ZAN: variants seen among roughly 807,000 people sequenced by gnomAD.
The protein encoded by ZAN is zonadhesin (gene/pseudogene).
In ZAN, 260 loss-of-function variants were observed where a neutral mutation model predicts 286.2. The observed-to-expected ratio is 0.91, with a 90% CI of 0.82 to 1.01. ZAN has a LOEUF of 1.01. Ranked by LOEUF, ZAN falls within the 50% of genes least tolerant of loss-of-function variation. The pLI, the probability that ZAN is intolerant of heterozygous loss-of-function variation, is 0.00. For synonymous variants in ZAN, 1,368 were observed against 1,417.5 expected (o/e 0.97, Z 0.79); for missense variants, 3,410 against 3,639.2 (o/e 0.94, Z 1.62).
chr7:100,775,642 A>C, intron 32 of ZAN, 27 bp from the exon 33 acceptor site: 1 of 1,612,314 alleles, frequency 6.2e-7, no homozygotes, highest in Non-Finnish European at 8.5e-7. Context: ...CCCTGCTCCT[A>C]CTCACCGTCA....
rs1187316588 is a variant in ZAN at position 100,742,857 on chromosome 7, A to G, written c.767-3681A>G. Among the ~76,000 whole-genome samples, 5 of 8,260 alleles carry G rather than the reference A, an allele frequency of 6.1e-4. No homozygotes were observed. In the Admixed American group the frequency reaches 6.6e-3, roughly 11 times the overall value. The allele number at this position is 8,260 out of a possible 152,430, so 5.4% of individuals were successfully genotyped here. On this transcript the variant is annotated intron_variant, in intron 7 of 47. Transcript: ENST00000613979. The stretch of plus-strand genomic sequence containing the variant: ...AGAGGGAGACCGTGGGGAGAGGGAG[A>G]CGGAGACGGAGACGAGGGAGAGGGA...
At position 100,780,658 on chromosome 7, in the gene ZAN, GA is replaced by G. The variant is rs946545102; in HGVS notation, c.6622+919del. Among the ~76,000 whole-genome samples, 469 of 110,544 alleles carry G rather than the reference GA, an allele frequency of 4.2e-3. 8 individuals are homozygous for G. The highest frequency in any genetic ancestry group is 2.9e-3 in the Non-Finnish European group (143 of 49,688). The allele number at this position is 110,544 out of a possible 152,430, so 72.5% of individuals were successfully genotyped here. Reference sequence around the variant, plus strand: ...TCTGGGTGACAGAGTGAGACTCTCAGAAAAAAAAAAATTCTCCCCAAAAAAC... The same window carrying G: ...TCTGGGTGACAGAGTGAGACTCTCAGAAAAAAAAAATTCTCCCCAAAAAAC... On this transcript the variant is annotated intron_variant, in intron 35 of 47. Coordinates refer to ENST00000613979, the MANE Select transcript of ZAN (RefSeq NM_003386.3).
intron 7 of ZAN, among the ~76,000 whole-genome samples, chr7:100,743,859 A>G (rs1371312160): frequency 6.6e-6 from 1 of 151,498 alleles, no homozygotes; most frequent in Non-Finnish European, 1.5e-5. Context: ...CCTGGGCGAC[A>G]GAGTGAGATT....
chr7:100,758,167 A>G (rs755797914), intron 15 of ZAN, 35 bp from the exon 16 acceptor site: 6 of 1,595,688 alleles, frequency 3.8e-6, no homozygotes, highest in South Asian at 1.1e-5. Context: ...TCTAGGAGCT[A>G]TATGACTGTG....
rs1385207125 is a variant in ZAN, at chr7:100,767,052, C to T, written c.4655C>T (p.Thr1552Ile). The change falls in exon 25 of 48, where the codon ACC becomes ATC. Residue 1552 changes from threonine to isoleucine, a missense_variant. Physicochemically the swap from Thr to Ile is moderately conservative, Grantham distance 89 (BLOSUM62 -1). Coordinates refer to ENST00000613979, the MANE Select transcript of ZAN (RefSeq NM_003386.3). ...GCCTCGGGTGACCCCCACTACCTGACCTTCGATGGCGCCTTGCACCACTTC... is the reference window on the plus strand; with the variant it reads ...GCCTCGGGTGACCCCCACTACCTGATCTTCGATGGCGCCTTGCACCACTTC... Reference protein sequence around the residue: ...CTASGDPHYLTFDGALHHFMG... With the variant: ...CTASGDPHYLIFDGALHHFMG... 2 of 1,613,942 alleles carry T rather than the reference C, an allele frequency of 1.2e-6. No individual in the cohort carries two copies. The highest frequency in any genetic ancestry group is 3.3e-5 in the Admixed American group (2 of 60,002).
intron 7 of ZAN, among the ~76,000 whole-genome samples, 167 bp downstream of exon 7, chr7:100,738,780 C>G (rs1025252145): frequency 1.4e-5 from 2 of 138,064 alleles, no homozygotes; most frequent in East Asian, 4.2e-4. Flanking sequence ...CCCCCACCAC[C>G]GCCCTACAAG....
chr7:100,769,474 T>C (rs954908169), intron 27 of ZAN, among the ~76,000 whole-genome samples: 2 of 151,990 alleles, frequency 1.3e-5, no homozygotes, highest in East Asian at 3.9e-4. Context: ...TCTTTTCTTT[T>C]CTTTCCTTTC....
chr7:100,781,652 C>CTTT (rs5886134), intron 35 of ZAN, among the ~76,000 whole-genome samples: 7 of 128,276 alleles, frequency 5.5e-5, no homozygotes, highest in Non-Finnish European at 8.2e-5. Flanking sequence ...CATTGCTATA[C>CTTT]TTTTTTTTTT....
chr7:100,776,367 G>A, intron 33 of ZAN, 73 bp from the exon 34 acceptor site: 5 of 1,505,890 alleles, frequency 3.3e-6, no homozygotes, highest in Non-Finnish European at 4.5e-6. Flanking sequence ...CGTGAGGGAA[G>A]GAAAGAAGGA....
At position 100,769,951 on chromosome 7, in the gene ZAN, G is replaced by A; in HGVS notation, c.5225G>A (p.Cys1742Tyr). ...ATGGCAGACGCCTGGAACAAGAACT[G>A]TGCGATCTTAATAAACCCTCAGGGT... is the stretch of plus-strand genomic sequence containing the variant. ...NSMADAWNKNCAILINPQGPF... is the reference protein window; with the variant it reads ...NSMADAWNKNYAILINPQGPF... Residue 1742 changes from cysteine to tyrosine, a missense_variant, in exon 28 of 48, where the codon TGT (cysteine) becomes TAT (tyrosine). By Grantham distance (194) the Cys-to-Tyr change is radical. Transcript: ENST00000613979. The A allele has an allele frequency of 6.4e-7, 1 of 1,566,488 alleles. No individual in the cohort carries two copies. The highest frequency in any genetic ancestry group is 1.2e-5 in the South Asian group (1 of 84,896).
At chr7:100,737,119 T>C (rs1382412955) in intron 5 of ZAN, 39 bp downstream of exon 5, 1 of 1,466,500 alleles carries the variant, frequency 6.8e-7, no homozygotes. Context: ...CGGGGGGGAG[T>C]CTGGGTGTTG....
At position 100,746,554 on chromosome 7, in the gene ZAN, C is replaced by G. The variant is rs755684430; in HGVS notation, c.783C>G (p.Leu261=). ...FSSPGSGCYM[L]LDPKNARPGQ... ...GCTTCACAGGTGGCTGCTACATGCT[C>G]CTGGACCCCAAGAATGCAAGACCTG... The change falls in exon 8 of 48, where the codon CTC becomes CTG. Residue 261 remains leucine (L), a synonymous_variant. Coordinates refer to ENST00000613979, the MANE Select transcript of ZAN (RefSeq NM_003386.3). 12 of 1,613,958 alleles carry G rather than the reference C, an allele frequency of 7.4e-6. No homozygotes were observed. In the East Asian group the frequency reaches 2.5e-4, roughly 33 times the overall value.
intron 42 of ZAN, 166 bp downstream of exon 42, chr7:100,792,645 G>A: frequency 1.4e-6 from 2 of 1,411,080 alleles, no homozygotes; most frequent in Non-Finnish European, 1.9e-6. Context: ...TTCTGTCTTA[G>A]TCCCATCATC....
Position 100,794,460 on chromosome 7 carries a change from T to C in ZAN, c.8125+202T>C, listed in dbSNP as rs114125417. On this transcript the variant is annotated intron_variant, in intron 44 of 47. Coordinates refer to ENST00000613979, the MANE Select transcript of ZAN (RefSeq NM_003386.3). ...CTACCGAATCCTTCCCTAGCGTTCC[T>C]TCCCATGATCTCCTTCAGCCCTGAT... is the stretch of plus-strand genomic sequence containing the variant. Among the ~76,000 whole-genome samples, 1,452 of 152,294 alleles carry C rather than the reference T, an allele frequency of 9.5e-3. 34 individuals are homozygous for C. The highest frequency in any genetic ancestry group is 0.033 in the African/African-American group (1,374 of 41,558).
In ZAN at chr7:100,776,470, G is replaced by T; in HGVS notation, c.6223G>T (p.Glu2075Ter). Reference sequence around the variant, plus strand: ...CGGCATGTGTGGGAACTTCAATGATGAGGAAGAGGACGAACTAATGATGCC... The same window carrying T: ...CGGCATGTGTGGGAACTTCAATGATTAGGAAGAGGACGAACTAATGATGCC... ...VCGMCGNFND[E>*]EEDELMMPSD... The change falls in exon 34 of 48, where the codon GAG becomes TAG. Residue 2075 changes from glutamate (E) to a stop codon, truncating the protein, a stop_gained. Coordinates refer to ENST00000613979, the MANE Select transcript of ZAN (RefSeq NM_003386.3). LOFTEE classifies it high-confidence loss of function. 1 of 1,604,058 alleles carries T rather than the reference G, an allele frequency of 6.2e-7. No homozygotes were observed. The highest frequency in any genetic ancestry group is 8.5e-7 in the Non-Finnish European group (1 of 1,175,202).
chr7:100,761,303 A>G (rs1443744607), intron 19 of ZAN, among the ~76,000 whole-genome samples: 1 of 152,180 alleles, frequency 6.6e-6, no homozygotes, highest in African/African-American at 2.4e-5. Flanking sequence ...CAGGAATTCC[A>G]GACCAGCCTG....
intron 11 of ZAN, among the ~76,000 whole-genome samples, chr7:100,749,369 A>ATG (rs1808449218): frequency 1.3e-5 from 2 of 150,734 alleles, no homozygotes; most frequent in Non-Finnish European, 1.5e-5. Flanking sequence ...GGCTGGGCGC[A>ATG]GTGGCTCACA....
chr7:100,750,906 G>A lies in ZAN; in HGVS notation c.1521+10G>A, dbSNP rs768253958. Reference sequence around the variant, plus strand: ...CCAACAGCCCATGCAGGTGAGAGACGGAGGCGGGGGTCCTGTCTGTGTGAG... The same window carrying A: ...CCAACAGCCCATGCAGGTGAGAGACAGAGGCGGGGGTCCTGTCTGTGTGAG... On this transcript the variant is annotated intron_variant, in intron 12 of 47. Transcript: ENST00000613979. The A allele has an allele frequency of 1.2e-5, 18 of 1,531,858 alleles. No individual in the cohort carries two copies. The highest frequency in any genetic ancestry group is 9.0e-5 in the South Asian group (7 of 77,704). 94.9% of individuals were successfully genotyped at this position (1,531,858 alleles called of 1,614,324 possible).
intron 9 of ZAN, 122 bp downstream of exon 9, chr7:100,747,763 G>A (rs1176871835): frequency 7.1e-6 from 7 of 986,178 alleles, no homozygotes; most frequent in Non-Finnish European, 1.1e-5. Flanking sequence ...GGCTGAGGAG[G>A]GAGGATCGCT....
Sources: allele counts gnomAD v4.1 joint callset (sites outside exome capture counted in the v4.1 genomes callset), GRCh38; gene constraint gnomAD v4.1.1; transcripts MANE v1.5; gene names NCBI Gene and HGNC (gene_info 2026-07-23, HGNC 2026-07-21).